Variants in NR3C2 observed in about 807,000 individuals in gnomAD.
NR3C2 encodes the protein mineralocorticoid receptor.
NR3C2 carries 15 observed loss-of-function variants against 86.4 expected under a neutral mutation model. That is an observed-to-expected ratio of 0.17 (90% CI 0.12 to 0.27). The LOEUF is 0.27. Ranked by LOEUF, NR3C2 falls within the 10% of genes least tolerant of loss-of-function variation. The pLI is 1.00. For missense variants in NR3C2, 960 were observed against 1,195.6 expected, an observed-to-expected ratio of 0.80 and a Z score of 2.91; for synonymous variants, 458 against 450.5, an observed-to-expected ratio of 1.02 and a Z score of -0.21.
chr4:148,123,763 G>A (rs1732622899), intron 6 of NR3C2, among the ~76,000 whole-genome samples: 1 of 152,238 alleles, frequency 6.6e-6, no homozygotes, highest in African/African-American at 2.4e-5. Context: ...TATACATGCT[G>A]TTTTTACACC....
At chr4:148,381,978 C>G (rs1747015821) in intron 2 of NR3C2, among the ~76,000 whole-genome samples, 1 of 152,172 alleles carries the variant, frequency 6.6e-6, no homozygotes, top group South Asian at 2.1e-4. Flanking sequence ...ATACAAATCT[C>G]CTATTTTATA....
intron 8 of NR3C2, among the ~76,000 whole-genome samples, chr4:148,088,457 A>G (rs922146409): frequency 3.3e-5 from 5 of 152,206 alleles, no homozygotes; most frequent in Non-Finnish European, 7.3e-5. Context: ...AAAGACTTGG[A>G]ACCAACCCAA....
At chr4:148,354,538 G>C (rs1745457036) in intron 2 of NR3C2, among the ~76,000 whole-genome samples, 2 of 152,086 alleles carry the variant, frequency 1.3e-5, no homozygotes, top group Admixed American at 1.3e-4. Context: ...TTGAAAATAT[G>C]TGTATATATT....
At chr4:148,186,988 GTATGTATGTATATATATA>G (rs1235059516) in intron 4 of NR3C2, among the ~76,000 whole-genome samples, 12 of 13,702 alleles carry the variant, frequency 8.8e-4, no homozygotes, top group African/African-American at 6.0e-3. Flanking sequence ...ACTGATGTGT[GTATGTATGTATATATATA>G]TATATATATA....
At position 148,373,470 on chromosome 4, in the gene NR3C2, C is replaced by CTTTTTT. The variant is rs774726733; in HGVS notation, c.1757+61628_1757+61633dup. 1.5e-3 allele frequency among the ~76,000 whole-genome samples: 200 copies of CTTTTTT among 129,806 alleles called. 15 individuals carry two copies. Among genetic ancestry groups the CTTTTTT allele is most frequent in the African/African-American group, 6.1e-3 (190 of 30,980 alleles). 85.2% of individuals were successfully genotyped at this position (129,806 alleles called of 152,430 possible). ...TTTGCTGACTTGAACTAAAGGATGA[C>CTTTTTT]TTTTTTTTTCTTTTTTTTTTTTTAG... is the stretch of plus-strand genomic sequence containing the variant. On this transcript the variant is annotated intron_variant, in intron 2 of 8. Transcript: ENST00000358102.
At chr4:148,257,484 A>G (rs1021155763) in intron 3 of NR3C2, among the ~76,000 whole-genome samples, 4 of 152,176 alleles carry the variant, frequency 2.6e-5, no homozygotes, top group Admixed American at 2.0e-4. Flanking sequence ...TTGGAGTCCT[A>G]TGACTTGAGT....
chr4:148,134,925 T>C (rs926468561), intron 6 of NR3C2, among the ~76,000 whole-genome samples: 3 of 152,006 alleles, frequency 2.0e-5, no homozygotes, highest in Admixed American at 2.0e-4. Context: ...CCCAAAGTGC[T>C]GGGATTACAG....
Position 148,246,093 on chromosome 4 carries a change from TAACAAC to T in NR3C2, c.1897+13879_1897+13884del, listed in dbSNP as rs138674569. Among the ~76,000 whole-genome samples the T allele has an allele frequency of 6.5e-4, 98 of 150,722 alleles. 1 individual carries two copies. The East Asian group carries it at 0.012, about 18-fold the overall frequency. On this transcript the variant is annotated intron_variant, in intron 3 of 8. Coordinates refer to ENST00000358102, the MANE Select transcript of NR3C2 (RefSeq NM_000901.5). ...AATGGTGTTCCCTGGTCAGATGCTATAACAACAACAACAACAACAACAACAACAAAA... is the reference window on the plus strand; with the variant it reads ...AATGGTGTTCCCTGGTCAGATGCTATAACAACAACAACAACAACAACAAAA...
intron 3 of NR3C2, among the ~76,000 whole-genome samples, chr4:148,233,496 G>A (rs1042307973): frequency 1.3e-5 from 2 of 151,710 alleles, no homozygotes; most frequent in African/African-American, 4.8e-5. Flanking sequence ...GAGTAGCTGG[G>A]ACCACAGGTA....
At position 148,233,366 on chromosome 4, in the gene NR3C2, G is replaced by GTTTTTTTTT. The variant is rs56388064; in HGVS notation, c.1897+26603_1897+26611dup. On this transcript the variant is annotated intron_variant, in intron 3 of 8. Transcript: ENST00000358102. ...TTATTAATAGGAATAATTTCTTTAG[G>GTTTTTTTTT]TTTTTTTTTTTGAAGCAGGGTCTCA... is the stretch of plus-strand genomic sequence containing the variant. Among the ~76,000 whole-genome samples the GTTTTTTTTT allele has an allele frequency of 1.7e-4, 24 of 142,814 alleles. 1 individual carries two copies. The highest frequency in any genetic ancestry group is 3.6e-4 in the African/African-American group (14 of 38,428). The allele number at this position is 142,814 out of a possible 152,430, so 93.7% of individuals were successfully genotyped here.
At chr4:148,173,444 G>C (rs1161130343) in intron 4 of NR3C2, among the ~76,000 whole-genome samples, 1 of 152,168 alleles carries the variant, frequency 6.6e-6, no homozygotes, top group Non-Finnish European at 1.5e-5. Context: ...GGGTGTAAGT[G>C]ATGCCTTTAA....
chr4:148,319,551 C>A (rs1323303231), intron 2 of NR3C2, among the ~76,000 whole-genome samples: 43 of 148,576 alleles, frequency 2.9e-4, no homozygotes, highest in African/African-American at 9.0e-4. Context: ...CTTTTATTTC[C>A]TTGAGCAGTG....
intron 2 of NR3C2, among the ~76,000 whole-genome samples, chr4:148,319,295 C>T (rs981512789): frequency 1.4e-3 from 217 of 152,180 alleles, no homozygotes; most frequent in Non-Finnish European, 2.4e-3. Flanking sequence ...TAGTATAGTT[C>T]GAAGTCAGGT....
chr4:148,373,470 C>CTTTTTTTTTT (rs774726733), intron 2 of NR3C2, among the ~76,000 whole-genome samples: 1 of 129,794 alleles, frequency 7.7e-6, no homozygotes, highest in Non-Finnish European at 1.6e-5. Flanking sequence ...TAAAGGATGA[C>CTTTTTTTTTT]TTTTTTTTTC....
At chr4:148,357,824 A>T (rs1371508810) in intron 2 of NR3C2, among the ~76,000 whole-genome samples, 2 of 152,202 alleles carry the variant, frequency 1.3e-5, no homozygotes, top group Admixed American at 6.5e-5. Context: ...GGCATGTTAA[A>T]AGCAAGGCAA....
chr4:148,400,290 C>G (rs1436890366), intron 2 of NR3C2, among the ~76,000 whole-genome samples: 4 of 152,178 alleles, frequency 2.6e-5, no homozygotes, highest in African/African-American at 9.7e-5. Context: ...AGACTGTTCT[C>G]TAGACTGCCT....
At chr4:148,082,889 G>A (rs1386916075) in intron 8 of NR3C2, among the ~76,000 whole-genome samples, 1 of 152,016 alleles carries the variant, frequency 6.6e-6, no homozygotes, top group Non-Finnish European at 1.5e-5. Flanking sequence ...TGGGGGAAGG[G>A]GGGAGGAGCA....
intron 2 of NR3C2, among the ~76,000 whole-genome samples, chr4:148,404,153 C>T (rs572471027): frequency 1.3e-4 from 20 of 152,114 alleles, no homozygotes; most frequent in African/African-American, 4.8e-4. Flanking sequence ...AATTCATGTC[C>T]AAGTTGGCTT....
intron 3 of NR3C2, among the ~76,000 whole-genome samples, chr4:148,230,498 G>C (rs1464468707): frequency 6.6e-6 from 1 of 152,138 alleles, no homozygotes; most frequent in East Asian, 1.9e-4. Flanking sequence ...CACGTGGCAA[G>C]AACCAAGATC....
Sources: allele counts gnomAD v4.1 joint callset (sites outside exome capture counted in the v4.1 genomes callset), GRCh38; gene constraint gnomAD v4.1.1; transcripts MANE v1.5; gene names NCBI Gene and HGNC (gene_info 2026-07-23, HGNC 2026-07-21).